DGKB: variants seen among roughly 807,000 people sequenced by gnomAD.
DGKB encodes the protein diacylglycerol kinase beta.
A neutral mutation model predicts 114.3 loss-of-function variants in DGKB; 67 were observed. That is an observed-to-expected ratio of 0.59 (90% CI 0.48 to 0.72). The LOEUF (loss-of-function observed/expected upper bound fraction) is 0.72. DGKB is among the 30% of genes least tolerant of loss of function. The pLI is 0.00. For missense variants in DGKB, 907 were observed against 975.2 expected, an observed-to-expected ratio of 0.93 and a Z score of 0.93; for synonymous variants, 398 against 323.1, an observed-to-expected ratio of 1.23 and a Z score of -2.49.
At chr7:14,189,241 T>G (rs1783947810) in intron 23 of DGKB, among the ~76,000 whole-genome samples, 2 of 152,022 alleles carry the variant, frequency 1.3e-5, no homozygotes, top group South Asian at 4.1e-4. Context: ...ACACCACAGA[T>G]AAAGAAGTAA....
At chr7:14,713,003 C>T (rs978567629) in intron 6 of DGKB, among the ~76,000 whole-genome samples, 1 of 152,104 alleles carries the variant, frequency 6.6e-6, no homozygotes, top group Admixed American at 6.5e-5. Flanking sequence ...GACAACACGA[C>T]AGCTTCCAAA....
At chr7:14,962,912 T>C (rs932294563) in intron 1 of DGKB, among the ~76,000 whole-genome samples, 1 of 152,106 alleles carries the variant, frequency 6.6e-6, no homozygotes, top group African/African-American at 2.4e-5. Context: ...TATTGACTCA[T>C]TAATTAAACT....
intron 13 of DGKB, among the ~76,000 whole-genome samples, chr7:14,650,824 G>A (rs78116330): frequency 0.75 from 108,901 of 144,918 alleles, 41,140 homozygotes; most frequent in Admixed American, 0.82. Flanking sequence ...TATCACCACA[G>A]ATCCCACAGA....
chr7:14,715,644 C>T (rs1447484892), intron 6 of DGKB, among the ~76,000 whole-genome samples: 1 of 152,062 alleles, frequency 6.6e-6, no homozygotes, highest in African/African-American at 2.4e-5. Context: ...ATTAGGATTG[C>T]ATAAAGGAAA....
At chr7:14,899,151 CT>C (rs1435476286) in intron 1 of DGKB, among the ~76,000 whole-genome samples, 2 of 152,076 alleles carry the variant, frequency 1.3e-5, no homozygotes, top group African/African-American at 4.8e-5. Flanking sequence ...CACATTTTAC[CT>C]AAATGAACCA....
At chr7:14,262,017 C>A (rs1796851804) in intron 23 of DGKB, among the ~76,000 whole-genome samples, 1 of 152,136 alleles carries the variant, frequency 6.6e-6, no homozygotes, top group Non-Finnish European at 1.5e-5. Flanking sequence ...TTGAATGAAT[C>A]CTGGGTTGTG....
In DGKB at chr7:14,698,075, G is replaced by A; in HGVS notation, c.591+20C>T. Reference sequence around the variant, plus strand: ...GGCCTTCCAGAATTTAGCCAATAGTGAAATCATTCATATACCTACTGGATT... The same window carrying A: ...GGCCTTCCAGAATTTAGCCAATAGTAAAATCATTCATATACCTACTGGATT... On this transcript the variant is annotated intron_variant, in intron 8 of 25. Coordinates refer to ENST00000402815, the MANE Select transcript of DGKB (RefSeq NM_001350709.2). 1.4e-6 allele frequency: 2 copies of A among 1,427,490 alleles called. No homozygotes were observed. Among genetic ancestry groups the A allele is most frequent in the Non-Finnish European group, 1.9e-6 (2 of 1,035,610 alleles). The allele number at this position is 1,427,490 out of a possible 1,614,324, so 88.4% of individuals were successfully genotyped here.
rs1789533452 is a variant in DGKB at position 14,520,218 on chromosome 7, T to TTTTTG, written c.1771-41994_1771-41993insCAAAA. Among the ~76,000 whole-genome samples the TTTTTG allele has an allele frequency of 2.0e-5, 3 of 150,170 alleles. No individual in the cohort carries two copies. In the South Asian group the frequency reaches 6.2e-4, roughly 31 times the overall value. ...CTTTTATCTTTTTTCCTATTTTTTT[T>TTTTTG]TTTTTTTTGCAGGAGGCAGCCTAAC... On this transcript the variant is annotated intron_variant, in intron 20 of 25. Transcript: ENST00000402815.
Position 14,838,107 on chromosome 7 carries a change from A to C in DGKB, c.70+3087T>G, listed in dbSNP as rs189634471. Among the ~76,000 whole-genome samples the C allele has an allele frequency of 2.0e-5, 3 of 152,234 alleles. No individual in the cohort carries two copies. In the East Asian group the frequency reaches 5.8e-4, roughly 29 times the overall value. ...ATATTATGGATTTTATATTTATGAT[A>C]ATTTTTATTACCACTTGTTTTAGGA... is the stretch of plus-strand genomic sequence containing the variant. On this transcript the variant is annotated intron_variant, in intron 2 of 25. Transcript: ENST00000402815.
chr7:14,873,723 A>G (rs892443091), intron 1 of DGKB, among the ~76,000 whole-genome samples: 1 of 151,956 alleles, frequency 6.6e-6, no homozygotes, highest in East Asian at 1.9e-4. Context: ...GTTAACTTTG[A>G]GTCCACTGTT....
intron 25 of DGKB, among the ~76,000 whole-genome samples, chr7:14,155,442 T>C (rs1371270816): frequency 6.6e-6 from 1 of 151,980 alleles, no homozygotes; most frequent in East Asian, 1.9e-4. Flanking sequence ...TACAATAAGA[T>C]TGAAAAAATA....
intron 20 of DGKB, among the ~76,000 whole-genome samples, chr7:14,535,480 G>A (rs1375804391): frequency 2.0e-5 from 3 of 151,552 alleles, no homozygotes; most frequent in African/African-American, 4.9e-5. Flanking sequence ...AAAAGAACAC[G>A]CTAAAGCCAT....
intron 23 of DGKB, among the ~76,000 whole-genome samples, chr7:14,314,646 C>G (rs1404852704): frequency 9.2e-5 from 14 of 152,114 alleles, no homozygotes; most frequent in African/African-American, 3.4e-4. Flanking sequence ...AAGACCAAAT[C>G]TACGTCTGAC....
intron 4 of DGKB, among the ~76,000 whole-genome samples, chr7:14,743,937 T>A (rs1037138058): frequency 1.3e-5 from 2 of 152,100 alleles, no homozygotes; most frequent in African/African-American, 4.8e-5. Context: ...AACACTGGAC[T>A]AAAGGGAAAA....
intron 21 of DGKB, among the ~76,000 whole-genome samples, chr7:14,427,609 C>T (rs553611130): frequency 6.6e-6 from 1 of 152,254 alleles, no homozygotes; most frequent in African/African-American, 2.4e-5. Context: ...GTTTTCTTTA[C>T]AGTTCCACAT....
intron 23 of DGKB, among the ~76,000 whole-genome samples, chr7:14,215,742 T>C (rs377223080): frequency 1.3e-5 from 2 of 152,160 alleles, no homozygotes; most frequent in African/African-American, 4.8e-5. Flanking sequence ...AGCTCCAAGA[T>C]AATAACAGTA....
At chr7:14,261,326 T>G (rs1425812082) in intron 23 of DGKB, among the ~76,000 whole-genome samples, 1 of 152,120 alleles carries the variant, frequency 6.6e-6, no homozygotes, top group Admixed American at 6.5e-5. Context: ...TTGTTGTTTT[T>G]AAATCAATGA....
At chr7:14,358,108 C>G (rs554792507) in intron 21 of DGKB, among the ~76,000 whole-genome samples, 2 of 152,020 alleles carry the variant, frequency 1.3e-5, no homozygotes, top group Non-Finnish European at 2.9e-5. Flanking sequence ...TTGTGGTGGT[C>G]TCTGTATTTC....
chr7:14,361,728 A>G (rs1262544770), intron 21 of DGKB, among the ~76,000 whole-genome samples: 1 of 151,878 alleles, frequency 6.6e-6, no homozygotes, highest in African/African-American at 2.4e-5. Context: ...CCTTTATACC[A>G]TTTTCTCCTA....
Sources: allele counts gnomAD v4.1 joint callset (sites outside exome capture counted in the v4.1 genomes callset), GRCh38; gene constraint gnomAD v4.1.1; transcripts MANE v1.5; gene names NCBI Gene and HGNC (gene_info 2026-07-23, HGNC 2026-07-21).